The following TAOK3 variants were observed in gnomAD, a reference collection of about 807,000 sequenced individuals.
TAOK3 encodes the protein serine/threonine-protein kinase TAO3.
A neutral mutation model predicts 120.4 loss-of-function variants in TAOK3; 40 were observed. That is an observed-to-expected ratio of 0.33 (90% CI 0.26 to 0.43). The LOEUF (loss-of-function observed/expected upper bound fraction) is 0.43. TAOK3 is among the 20% of genes least tolerant of loss of function. The pLI is 1.00. For missense variants in TAOK3, 821 were observed against 1,112.1 expected (o/e 0.74, Z 3.72); for synonymous variants, 355 against 387.5 (o/e 0.92, Z 0.99).
intron 2 of TAOK3, chr12:118,256,208 A>G (rs1225793046): frequency 6.6e-6 from 1 of 152,252 alleles, no homozygotes; most frequent in Non-Finnish European, 1.5e-5. Flanking sequence ...CGAAAATTAA[A>G]ACCACAGTGA....
At chr12:118,369,023 AGAAG>A (rs2045826593) in intron 1 of TAOK3, among the ~76,000 whole-genome samples, 1 of 139,954 alleles carries the variant, frequency 7.1e-6, no homozygotes, top group African/African-American at 2.6e-5. Context: ...AAAAAAAAAA[AGAAG>A]AAGAAGAAGA....
chr12:118,169,306 G>GCCCCCCCCC (rs1471397257), intron 17 of TAOK3, among the ~76,000 whole-genome samples: 1 of 91,718 alleles, frequency 1.1e-5, no homozygotes, highest in African/African-American at 4.7e-5. Flanking sequence ...GAGCCACCAC[G>GCCCCCCCCC]CCCACCCCCA....
At chr12:118,234,649 T>C (rs2039946868) in intron 8 of TAOK3, among the ~76,000 whole-genome samples, 1 of 152,040 alleles carries the variant, frequency 6.6e-6, no homozygotes, top group Non-Finnish European at 1.5e-5. Context: ...TTCAAGCGAT[T>C]CTCATGCCTC....
In TAOK3 at chr12:118,161,103, A is replaced by C. The variant is rs1316009339; in HGVS notation, c.2139+685T>G. 6.6e-6 allele frequency among the ~76,000 whole-genome samples: 1 copy of C among 152,216 alleles called. No homozygotes were observed. Among genetic ancestry groups the C allele is most frequent in the Non-Finnish European group, 1.5e-5 (1 of 68,046 alleles). ...ACTCTGAGGACTTATGGTGATAGAA[A>C]TCATTGCTTAGCTTAGAATTTGACT... is the stretch of plus-strand genomic sequence containing the variant. On this transcript the variant is annotated intron_variant, in intron 18 of 20. Transcript: ENST00000392533. The surrounding 1 kb of genome is among the most constrained non-coding windows in gnomAD (Gnocchi z 4.5).
At chr12:118,267,005 C>T (rs865844667) in intron 1 of TAOK3, among the ~76,000 whole-genome samples, 23 of 152,188 alleles carry the variant, frequency 1.5e-4, no homozygotes, top group African/African-American at 5.1e-4. Flanking sequence ...GAAGCTTCCA[C>T]TGGTTTGTTT....
chr12:118,184,871 T>C (rs955833629), intron 14 of TAOK3, among the ~76,000 whole-genome samples: 1 of 152,226 alleles, frequency 6.6e-6, no homozygotes, highest in Non-Finnish European at 1.5e-5. Context: ...AGTCTCTCAG[T>C]TTCTTAATGT....
At chr12:118,342,879 A>T (rs562722865) in intron 1 of TAOK3, among the ~76,000 whole-genome samples, 1 of 138,528 alleles carries the variant, frequency 7.2e-6, no homozygotes, top group African/African-American at 2.7e-5. Flanking sequence ...GGTTACAGTG[A>T]GTGGCGATCC....
At chr12:118,280,952 T>C (rs2140416940) in intron 1 of TAOK3, among the ~76,000 whole-genome samples, 1 of 152,292 alleles carries the variant, frequency 6.6e-6, no homozygotes, top group East Asian at 1.9e-4. Context: ...TTATTCTTTT[T>C]GTGGCTATTT....
chr12:118,331,645 C>CAAAAAAA (rs57291591), intron 1 of TAOK3, among the ~76,000 whole-genome samples: 9 of 47,990 alleles, frequency 1.9e-4, no homozygotes, highest in Non-Finnish European at 3.3e-4. Flanking sequence ...ACTCTTATCT[C>CAAAAAAA]AAAAAAAAAA....
chr12:118,298,570 T>A (rs958727330), intron 1 of TAOK3, among the ~76,000 whole-genome samples: 23 of 152,212 alleles, frequency 1.5e-4, no homozygotes, highest in African/African-American at 5.5e-4. Context: ...TAAAAATTTC[T>A]GTGACAGCAT....
At chr12:118,246,156 T>G (rs2040487426) in intron 3 of TAOK3, 1 of 1,440,902 alleles carries the variant, frequency 6.9e-7, no homozygotes, top group African/African-American at 1.4e-5. Context: ...CCGCGGTGGC[T>G]TCCGCGGAGG....
At chr12:118,342,441 C>T (rs753481035) in intron 1 of TAOK3, among the ~76,000 whole-genome samples, 10 of 152,142 alleles carry the variant, frequency 6.6e-5, no homozygotes, top group Non-Finnish European at 8.8e-5. Context: ...TAAAATAGTA[C>T]ATTTCATTTA....
At chr12:118,156,257 T>C (rs770677824) in intron 19 of TAOK3, among the ~76,000 whole-genome samples, 1 of 152,278 alleles carries the variant, frequency 6.6e-6, no homozygotes, top group East Asian at 1.9e-4. Context: ...CATGATAGCC[T>C]GGAAGTGGCC....
chr12:118,243,406 T>C lies in TAOK3; in HGVS notation c.294+9A>G. ...AATAGTAAAAGATAATAGAGGTCCT[T>C]CGACTTACCCAAGCAGTGTGTTCTT... On this transcript the variant is annotated intron_variant, in intron 5 of 20. Transcript: ENST00000392533. 1 of 1,499,144 alleles carries C rather than the reference T, an allele frequency of 6.7e-7. No homozygotes were observed. The highest frequency in any genetic ancestry group is 9.1e-7 in the Non-Finnish European group (1 of 1,095,832). 92.9% of individuals were successfully genotyped at this position (1,499,144 alleles called of 1,614,324 possible).
At chr12:118,244,761 C>T (rs2040414678) in intron 4 of TAOK3, 133 bp downstream of exon 4, 3 of 587,056 alleles carry the variant, frequency 5.1e-6, no homozygotes, top group Middle Eastern at 2.9e-4. Context: ...ATCTCCCGAC[C>T]TCGTGAGCCG....
intron 11 of TAOK3, among the ~76,000 whole-genome samples, chr12:118,208,355 A>G (rs796117389): frequency 5.9e-5 from 9 of 152,260 alleles, no homozygotes; most frequent in African/African-American, 2.2e-4. Flanking sequence ...CTTGTAACAA[A>G]TTTTTGCATA....
chr12:118,245,016 C>T, intron 3 of TAOK3, 51 bp from the exon 4 acceptor site: 1 of 1,236,778 alleles, frequency 8.1e-7, no homozygotes, highest in Non-Finnish European at 1.2e-6. Flanking sequence ...ATGTTTCAGC[C>T]AATTTAACTT....
At chr12:118,254,150 A>G (rs1340350442) in intron 3 of TAOK3, among the ~76,000 whole-genome samples, 2 of 152,242 alleles carry the variant, frequency 1.3e-5, no homozygotes, top group African/African-American at 4.8e-5. Context: ...TTTTCTCATC[A>G]GGAGATAGTC....
chr12:118,194,250 C>T (rs947280387), intron 13 of TAOK3, among the ~76,000 whole-genome samples: 52 of 152,210 alleles, frequency 3.4e-4, no homozygotes, highest in African/African-American at 1.1e-3. Context: ...AGCAGACCCA[C>T]CACTCTCCTT....
Sources: gnomAD v4.1 joint callset for allele counts (sites outside exome capture counted in the v4.1 genomes callset) on GRCh38, gnomAD v4.1.1 for gene constraint, Gnocchi (gnomAD v3.1) non-coding constraint, MANE v1.5 for transcripts, NCBI Gene and HGNC (gene_info 2026-07-23, HGNC 2026-07-21) for gene names.